NUP205: variants seen among roughly 807,000 people sequenced by gnomAD.
NUP205 encodes nuclear pore complex protein Nup205.
A neutral mutation model predicts 253.8 loss-of-function variants in NUP205; 76 were observed. The observed-to-expected ratio is 0.30, with a 90% confidence interval of 0.25 to 0.36. The LOEUF (loss-of-function observed/expected upper bound fraction) is 0.36. Ranked by LOEUF, NUP205 falls within the 10% of genes least tolerant of loss-of-function variation. The pLI, the probability that NUP205 is intolerant of heterozygous loss-of-function variation, is 1.00. For synonymous variants in NUP205, 832 were observed against 850.1 expected, an observed-to-expected ratio of 0.98 and a Z score of 0.37; for missense variants, 2,162 against 2,425.5, an observed-to-expected ratio of 0.89 and a Z score of 2.28.
At chr7:135,594,207 T>A (rs1793766712) in intron 12 of NUP205, among the ~76,000 whole-genome samples, 2 of 152,190 alleles carry the variant, frequency 1.3e-5, no homozygotes, top group Admixed American at 6.5e-5. Context: ...TACTTTATAT[T>A]GCAGTATAAT....
intron 22 of NUP205, among the ~76,000 whole-genome samples, chr7:135,608,383 G>A (rs1287184135): frequency 6.6e-6 from 1 of 152,132 alleles, no homozygotes; most frequent in African/African-American, 2.4e-5. Context: ...TATGTTAAGT[G>A]GTAGAATGTC....
chr7:135,626,340 G>T lies in NUP205; in HGVS notation c.4772G>T (p.Arg1591Leu). 6.2e-7 allele frequency: 1 copy of T among 1,614,000 alleles called. No homozygotes were observed. Among genetic ancestry groups the T allele is most frequent in the Non-Finnish European group, 8.5e-7 (1 of 1,179,980 alleles). ...GCTCAATGCCAAGTCTATGACATGCGCCCAGAAACGGACCCGCAGAGGTAA... is the reference window on the plus strand; with the variant it reads ...GCTCAATGCCAAGTCTATGACATGCTCCCAGAAACGGACCCGCAGAGGTAA... The part of the protein sequence containing the change: ...RLAQCQVYDM[R>L]PETDPQSMFG... Residue 1591 changes from arginine (R) to leucine (L), a missense_variant, in exon 33 of 43, where the codon CGC becomes CTC. Coordinates refer to ENST00000285968, the MANE Select transcript of NUP205 (RefSeq NM_015135.3).
rs540631485 is a variant in NUP205 at position 135,595,470 on chromosome 7, C to T, written c.2013+741C>T. ...AACTCCTGGCTTCAAGTGATCTGCC[C>T]GCCTCGGCCTCCCAAAGTGCTGGGA... On this transcript the variant is annotated intron_variant, in intron 13 of 42. Transcript: ENST00000285968. 1.2e-4 allele frequency among the ~76,000 whole-genome samples: 18 copies of T among 152,102 alleles called. No individual in the cohort carries two copies. The South Asian group carries it at 1.5e-3, about 12-fold the overall frequency.
At chr7:135,631,462 T>C (rs909435830) in intron 35 of NUP205, among the ~76,000 whole-genome samples, 14 of 152,246 alleles carry the variant, frequency 9.2e-5, no homozygotes, top group Non-Finnish European at 1.9e-4. Flanking sequence ...CTTTACTACA[T>C]GTAAATTTTG....
At chr7:135,638,285 G>A (rs1479711745) in intron 37 of NUP205, among the ~76,000 whole-genome samples, 1 of 151,946 alleles carries the variant, frequency 6.6e-6, no homozygotes, top group Non-Finnish European at 1.5e-5. Context: ...ATGGTGGCAC[G>A]TGCCTGTGTG....
Position 135,628,179 on chromosome 7 carries a change from A to G in NUP205, c.4932+68A>G, listed in dbSNP as rs961297902. 9 of 1,465,272 alleles carry G rather than the reference A, an allele frequency of 6.1e-6. 1 individual carries two copies. The highest frequency in any genetic ancestry group is 1.4e-5 in the African/African-American group (1 of 71,964). 90.8% of individuals were successfully genotyped at this position (1,465,272 alleles called of 1,614,324 possible). ...CTCATTTTACAAGTACAGAAACCTT[A>G]CACACATAGAATGCTTAAGTGAATT... On this transcript the variant is annotated intron_variant, in intron 34 of 42. Transcript: ENST00000285968.
Position 135,618,696 on chromosome 7 carries a change from T to A in NUP205, c.3963+93T>A, listed in dbSNP as rs979270032. On this transcript the variant is annotated intron_variant, in intron 28 of 42. Transcript: ENST00000285968. Reference sequence around the variant, plus strand: ...ATCCTAATTGTTTTCCATTTTCGATTGGGAGTAAAATAGAATTGTGCAATA... The same window carrying A: ...ATCCTAATTGTTTTCCATTTTCGATAGGGAGTAAAATAGAATTGTGCAATA... 22 of 1,123,896 alleles carry A rather than the reference T, an allele frequency of 2.0e-5. 1 individual carries two copies. The East Asian group carries it at 5.0e-4, about 26-fold the overall frequency. The allele number at this position is 1,123,896 out of a possible 1,614,324, so 69.6% of individuals were successfully genotyped here.
Position 135,626,237 on chromosome 7 carries a change from C to T in NUP205, c.4672-3C>T, listed in dbSNP as rs748906902. Reference sequence around the variant, plus strand: ...TGATGATTTTTCTCTTGTAACTCCTCAGGCATTTCTCACAAGAGTGGCAAA... The same window carrying T: ...TGATGATTTTTCTCTTGTAACTCCTTAGGCATTTCTCACAAGAGTGGCAAA... On this transcript the variant is annotated splice_region_variant and splice_polypyrimidine_tract_variant and intron_variant, in intron 32 of 42. Coordinates refer to ENST00000285968, the MANE Select transcript of NUP205 (RefSeq NM_015135.3). 1.2e-6 allele frequency: 2 copies of T among 1,613,944 alleles called. No homozygotes were observed. Among genetic ancestry groups the T allele is most frequent in the Non-Finnish European group, 1.7e-6 (2 of 1,179,994 alleles).
intron 10 of NUP205, among the ~76,000 whole-genome samples, chr7:135,590,287 T>G (rs954675629): frequency 2.7e-5 from 4 of 145,534 alleles, no homozygotes; most frequent in Non-Finnish European, 6.2e-5. Context: ...AACTTTTGTA[T>G]TGTTTTAGTT....
rs545830630 is a variant in NUP205, at chr7:135,637,129, C to T, written c.5137-802C>T. Among the ~76,000 whole-genome samples the T allele has an allele frequency of 4.6e-5, 7 of 152,338 alleles. No homozygotes were observed. The South Asian group carries it at 1.2e-3, about 27-fold the overall frequency. On this transcript the variant is annotated intron_variant, in intron 36 of 42. Coordinates refer to ENST00000285968, the MANE Select transcript of NUP205 (RefSeq NM_015135.3). ...ATATGTTTCATTTAAAATACACTTA[C>T]TATGTGCAGAACATTGTGCTAAGCA... is the stretch of plus-strand genomic sequence containing the variant.
chr7:135,571,307 A>T, intron 2 of NUP205, 60 bp downstream of exon 2: 1 of 1,138,976 alleles, frequency 8.8e-7, no homozygotes. Context: ...TCGAGGAAGG[A>T]AGTAAACTCT....
In NUP205 at chr7:135,628,238, T is replaced by C. The variant is rs938539245; in HGVS notation, c.4932+127T>C. The C allele has an allele frequency of 4.8e-6, 4 of 831,272 alleles. No individual in the cohort carries two copies. The African/African-American group carries it at 6.8e-5, about 14-fold the overall frequency. 51.5% of individuals were successfully genotyped at this position (831,272 alleles called of 1,614,324 possible). A position where few individuals can be genotyped will look rare whatever the true frequency, so the allele number is the denominator to read the frequency against. ...TCCTAATGTTTGTGGCAGAGCAGGG[T>C]AGAGAAAAGAGGCCCCTGTACTTTG... On this transcript the variant is annotated intron_variant, in intron 34 of 42. Transcript: ENST00000285968.
At chr7:135,597,265 T>C in intron 13 of NUP205, 103 bp from the exon 14 acceptor site, 1 of 731,488 alleles carries the variant, frequency 1.4e-6, no homozygotes, top group Admixed American at 2.1e-5. Context: ...TTGTGAGATC[T>C]GTGGGTCCAG....
intron 9 of NUP205, 41 bp from the exon 10 acceptor site, chr7:135,587,814 G>A: frequency 6.3e-7 from 1 of 1,574,976 alleles, no homozygotes. Context: ...TAATTTTTCA[G>A]TCATAGACAT....
intron 3 of NUP205, among the ~76,000 whole-genome samples, chr7:135,574,404 C>A (rs980447480): frequency 2.6e-5 from 4 of 152,048 alleles, no homozygotes; most frequent in African/African-American, 9.7e-5. Context: ...GCTAGTGCAA[C>A]TCTAAGTAGG....
chr7:135,632,728 CCTT>C (rs1257985477), intron 35 of NUP205, among the ~76,000 whole-genome samples: 2 of 151,794 alleles, frequency 1.3e-5, no homozygotes, highest in African/African-American at 4.8e-5. Context: ...GTCAGGCCAC[CCTT>C]CTTGTCTCTA....
chr7:135,648,517 C>A lies in NUP205; in HGVS notation c.6000C>A (p.Val2000=). The part of the protein sequence containing the change: ...RSRYSFIQAL[V]RRIRGLLRIS... ...GATATAGTTTCATACAGGCTCTTGT[C>A]AGACGTATCCGTGGCCTCTTGAGGA... The change falls in exon 43 of 43, where the codon GTC becomes GTA. Residue 2000 remains valine (V), a synonymous_variant. Transcript: ENST00000285968. 1.3e-6 allele frequency: 2 copies of A among 1,599,112 alleles called. No homozygotes were observed. Among genetic ancestry groups the A allele is most frequent in the Non-Finnish European group, 1.7e-6 (2 of 1,174,924 alleles).
intron 31 of NUP205, among the ~76,000 whole-genome samples, chr7:135,623,928 G>A (rs965040635): frequency 1.3e-5 from 2 of 148,600 alleles, no homozygotes; most frequent in African/African-American, 2.5e-5. Flanking sequence ...AACTACAGGC[G>A]CCCGCCACTA....
intron 37 of NUP205, 63 bp from the exon 38 acceptor site, chr7:135,638,494 A>G (rs997668712): frequency 6.8e-7 from 1 of 1,475,458 alleles, no homozygotes; most frequent in African/African-American, 1.4e-5. Flanking sequence ...TCAAATCTCG[A>G]TTTTCATGCT....
Sources: allele counts gnomAD v4.1 joint callset (sites outside exome capture counted in the v4.1 genomes callset), GRCh38; gene constraint gnomAD v4.1.1; transcripts MANE v1.5; gene names NCBI Gene and HGNC (gene_info 2026-07-23, HGNC 2026-07-21).